ACSM1: variants seen among roughly 807,000 people sequenced by gnomAD.
ACSM1 encodes the protein acyl-CoA synthetase medium chain family member 1, also known as acyl-coenzyme A synthetase ACSM1, mitochondrial.
Under a neutral mutation model 75.8 loss-of-function variants are expected in ACSM1, and 79 were observed. The observed-to-expected ratio is 1.04, with a 90% confidence interval of 0.87 to 1.26. The LOEUF (loss-of-function observed/expected upper bound fraction) is 1.26. Among genes scored for constraint, ACSM1 ranks in the 50% most tolerant of loss-of-function variants. The pLI is 0.00. For synonymous variants in ACSM1, 279 were observed against 265.8 expected (o/e 1.05, Z -0.48); for missense variants, 676 against 720.1 (o/e 0.94, Z 0.70).
At chr16:20,667,565 ATTAGT>A (rs1244120217) in intron 6 of ACSM1, among the ~76,000 whole-genome samples, 1 of 152,204 alleles carries the variant, frequency 6.6e-6, no homozygotes, top group Admixed American at 6.5e-5. Flanking sequence ...AGAAATGCAA[ATTAGT>A]TTAGCCACTG....
At chr16:20,638,585 A>G (rs1238268533) in intron 8 of ACSM1, among the ~76,000 whole-genome samples, 1 of 152,200 alleles carries the variant, frequency 6.6e-6, no homozygotes, top group East Asian at 1.9e-4. Flanking sequence ...AGAGCATTAT[A>G]TACTTCTTTT....
At chr16:20,672,332 CAGCTACTCGG>C (rs2019959207) in intron 4 of ACSM1, among the ~76,000 whole-genome samples, 1 of 148,206 alleles carries the variant, frequency 6.7e-6, no homozygotes, top group Non-Finnish European at 1.5e-5. Flanking sequence ...CTTATACTCC[CAGCTACTCGG>C]GAGGCTGAGC....
chr16:20,633,721 A>G (rs1352071016), intron 10 of ACSM1, among the ~76,000 whole-genome samples: 2 of 152,176 alleles, frequency 1.3e-5, no homozygotes, highest in Non-Finnish European at 2.9e-5. Flanking sequence ...CCAAACTGCC[A>G]AAACAATCTT....
intron 10 of ACSM1, among the ~76,000 whole-genome samples, chr16:20,635,220 C>T (rs935384608): frequency 1.3e-4 from 20 of 152,130 alleles, no homozygotes; most frequent in African/African-American, 4.6e-4. Flanking sequence ...CATAGTGAGA[C>T]CTTATCTCTA....
chr16:20,661,771 G>C, intron 7 of ACSM1, 23 bp downstream of exon 7: 1 of 1,559,496 alleles, frequency 6.4e-7, no homozygotes, highest in Non-Finnish European at 8.8e-7. Flanking sequence ...CAAAGATGTT[G>C]TTACAAGCCA....
chr16:20,662,032 G>A (rs2019328199), intron 6 of ACSM1, among the ~76,000 whole-genome samples, 159 bp from the exon 7 acceptor site: 3 of 152,116 alleles, frequency 2.0e-5, no homozygotes, highest in Admixed American at 2.0e-4. Context: ...TTCATACATG[G>A]TATGCATCAG....
chr16:20,642,336 C>T (rs1343696347), intron 7 of ACSM1, among the ~76,000 whole-genome samples: 1 of 152,184 alleles, frequency 6.6e-6, no homozygotes, highest in Admixed American at 6.5e-5. Context: ...TTTACTAACC[C>T]ATCAGCCCCA....
intron 1 of ACSM1, among the ~76,000 whole-genome samples, chr16:20,692,444 G>A (rs568721081): frequency 6.6e-6 from 1 of 152,200 alleles, no homozygotes; most frequent in African/African-American, 2.4e-5. Context: ...GAAGACCTGG[G>A]ATTAATGGCA....
intron 7 of ACSM1, among the ~76,000 whole-genome samples, chr16:20,656,244 C>T (rs2018951584): frequency 1.3e-5 from 2 of 152,104 alleles, no homozygotes; most frequent in Admixed American, 1.3e-4. Flanking sequence ...TGATATTTCA[C>T]TTCCAAACTA....
In ACSM1 at chr16:20,623,455, G is replaced by C; in HGVS notation, c.*31C>G. 6.2e-7 allele frequency: 1 copy of C among 1,601,858 alleles called. No homozygotes were observed. The highest frequency in any genetic ancestry group is 8.6e-7 in the Non-Finnish European group (1 of 1,168,974). ...CTAAAGTGGCCAGGGATTTGCCTTA[G>C]GTGTGCAGTGCGTTCTGAGTTCACT... On this transcript the variant is annotated 3_prime_UTR_variant, in exon 14 of 14. Coordinates refer to ENST00000520010, the MANE Select transcript of ACSM1 (RefSeq NM_001318890.3).
At chr16:20,671,706 A>G (rs770821355) in intron 4 of ACSM1, 35 bp from the exon 5 acceptor site, 12 of 1,478,062 alleles carry the variant, frequency 8.1e-6, no homozygotes, top group South Asian at 4.3e-5. Context: ...GAAAAAAGTC[A>G]TGATTGCTGT....
intron 2 of ACSM1, among the ~76,000 whole-genome samples, chr16:20,690,081 T>C (rs2079625328): frequency 6.6e-6 from 1 of 152,244 alleles, no homozygotes; most frequent in African/African-American, 2.4e-5. Flanking sequence ...TTGAGGTTAC[T>C]ATGCAAATTC....
chr16:20,694,368 G>A (rs2079678731), intron 1 of ACSM1, among the ~76,000 whole-genome samples: 1 of 152,180 alleles, frequency 6.6e-6, no homozygotes, highest in African/African-American at 2.4e-5. Context: ...GCCTTGCTGA[G>A]TAAATTAAAT....
chr16:20,674,177 C>A, intron 4 of ACSM1: 1 of 409,436 alleles, frequency 2.4e-6, no homozygotes, highest in South Asian at 1.7e-5. Context: ...CCCAGTTGCC[C>A]CAGAGGAAGA....
intron 7 of ACSM1, among the ~76,000 whole-genome samples, chr16:20,646,426 C>T (rs1318586355): frequency 6.6e-6 from 1 of 152,168 alleles, no homozygotes; most frequent in Non-Finnish European, 1.5e-5. Context: ...CAGCCCATGC[C>T]ATCACCCTCC....
At chr16:20,665,667 G>T (rs1168051791) in intron 6 of ACSM1, among the ~76,000 whole-genome samples, 1 of 152,036 alleles carries the variant, frequency 6.6e-6, no homozygotes, top group Non-Finnish European at 1.5e-5. Context: ...CCAAAATATG[G>T]CAGAGATACA....
intron 7 of ACSM1, among the ~76,000 whole-genome samples, chr16:20,646,466 G>T (rs148270453): frequency 0.035 from 5,309 of 152,170 alleles, 301 homozygotes; most frequent in African/African-American, 0.12. Flanking sequence ...GAGGGCCAGG[G>T]GGTTAACTGT....
Position 20,655,883 on chromosome 16 carries a change from G to A in ACSM1, c.992+5911C>T, listed in dbSNP as rs202230980. Among the ~76,000 whole-genome samples, 15 of 152,168 alleles carry A rather than the reference G, an allele frequency of 9.9e-5. 1 individual carries two copies. In the East Asian group the frequency reaches 2.7e-3, roughly 27 times the overall value. On this transcript the variant is annotated intron_variant, in intron 7 of 13. Coordinates refer to ENST00000520010, the MANE Select transcript of ACSM1 (RefSeq NM_001318890.3). ...TCATCATATTGGCCAGGCTGGTCTC[G>A]AACTCCTGACCTTGTGATCCGCACA...
chr16:20,679,274 C>T (rs998471648), intron 4 of ACSM1: 5 of 152,298 alleles, frequency 3.3e-5, no homozygotes, highest in African/African-American at 1.2e-4. Flanking sequence ...CCGAATAGAC[C>T]TACGGCGAAT....
Sources: allele counts gnomAD v4.1 joint callset (sites outside exome capture counted in the v4.1 genomes callset), GRCh38; gene constraint gnomAD v4.1.1; transcripts MANE v1.5; gene names NCBI Gene and HGNC (gene_info 2026-07-23, HGNC 2026-07-21).